Variants in ZFPM2 observed in about 807,000 individuals in gnomAD.
The protein encoded by ZFPM2 is zinc finger protein ZFPM2.
A neutral mutation model predicts 98.6 loss-of-function variants in ZFPM2; 20 were observed. The observed-to-expected ratio is 0.20, with a 90% confidence interval of 0.14 to 0.29. ZFPM2 has a LOEUF of 0.29. Among genes scored for constraint, ZFPM2 ranks in the 10% least tolerant of loss-of-function variants. The pLI, the probability that ZFPM2 is intolerant of heterozygous loss-of-function variation, is 1.00. For synonymous variants in ZFPM2, 518 were observed against 502.7 expected, an observed-to-expected ratio of 1.03 and a Z score of -0.41; for missense variants, 1,310 against 1,388.6, an observed-to-expected ratio of 0.94 and a Z score of 0.90.
At chr8:105,523,894 G>A (rs1814114794) in intron 3 of ZFPM2, among the ~76,000 whole-genome samples, 1 of 152,160 alleles carries the variant, frequency 6.6e-6, no homozygotes, top group South Asian at 2.1e-4. Context: ...GGAGAACATA[G>A]TGGCAGCATC....
At chr8:105,679,062 A>G (rs1427091178) in intron 5 of ZFPM2, 2 of 152,180 alleles carry the variant, frequency 1.3e-5, no homozygotes, top group Non-Finnish European at 2.9e-5. Flanking sequence ...AAAATGGGTT[A>G]TCTTTTCTCA....
chr8:105,384,805 C>A (rs935052613), intron 1 of ZFPM2, among the ~76,000 whole-genome samples: 4 of 152,090 alleles, frequency 2.6e-5, no homozygotes, highest in African/African-American at 9.7e-5. Context: ...TTAGACGAAA[C>A]CCTGAATTGA....
intron 4 of ZFPM2, among the ~76,000 whole-genome samples, chr8:105,609,587 C>T (rs775884193): frequency 6.6e-6 from 1 of 152,074 alleles, no homozygotes; most frequent in African/African-American, 2.4e-5. Context: ...TGGAAATGTG[C>T]GTTCTTATAT....
intron 4 of ZFPM2, among the ~76,000 whole-genome samples, chr8:105,569,953 G>A (rs535807936): frequency 1.3e-5 from 2 of 152,258 alleles, no homozygotes; most frequent in South Asian, 4.1e-4. Flanking sequence ...TGTTCCAAGA[G>A]AAGACAAATG....
intron 5 of ZFPM2, among the ~76,000 whole-genome samples, chr8:105,721,565 A>G (rs764957713): frequency 6.6e-6 from 1 of 152,000 alleles, no homozygotes; most frequent in Non-Finnish European, 1.5e-5. Context: ...AATAGGAAAA[A>G]GTATAAAATA....
intron 1 of ZFPM2, among the ~76,000 whole-genome samples, chr8:105,400,543 A>G (rs772903581): frequency 6.6e-6 from 1 of 152,132 alleles, no homozygotes; most frequent in Non-Finnish European, 1.5e-5. Flanking sequence ...GATTTTTTCT[A>G]ACTTTATTGT....
At chr8:105,553,160 A>G (rs1379663590) in intron 3 of ZFPM2, among the ~76,000 whole-genome samples, 1 of 152,010 alleles carries the variant, frequency 6.6e-6, no homozygotes, top group Non-Finnish European at 1.5e-5. Context: ...CATTACCAAT[A>G]ATATTACTGC....
intron 3 of ZFPM2, among the ~76,000 whole-genome samples, chr8:105,503,070 C>T (rs1813628712): frequency 6.6e-6 from 1 of 152,154 alleles, no homozygotes; most frequent in African/African-American, 2.4e-5. Flanking sequence ...CTTACGGGCA[C>T]ATCTAAAAGG....
chr8:105,356,397 T>G (rs1347034965), intron 1 of ZFPM2, among the ~76,000 whole-genome samples: 1 of 152,206 alleles, frequency 6.6e-6, no homozygotes, highest in Admixed American at 6.5e-5. Context: ...AATAAATGGC[T>G]GACTGGCAAT....
intron 3 of ZFPM2, among the ~76,000 whole-genome samples, chr8:105,468,472 T>C (rs1190678137): frequency 6.6e-6 from 1 of 152,084 alleles, no homozygotes; most frequent in African/African-American, 2.4e-5. Context: ...GTGTGTTACT[T>C]TGCAACCTCA....
intron 5 of ZFPM2, among the ~76,000 whole-genome samples, chr8:105,639,490 T>A (rs1001659837): frequency 1.3e-5 from 2 of 152,042 alleles, no homozygotes; most frequent in African/African-American, 4.8e-5. Flanking sequence ...CTCAACAACA[T>A]AATATTTCTT....
At chr8:105,788,258 G>C (rs1192009380) in intron 5 of ZFPM2, among the ~76,000 whole-genome samples, 2 of 152,094 alleles carry the variant, frequency 1.3e-5, no homozygotes, top group Non-Finnish European at 2.9e-5. Flanking sequence ...TGATAGGATG[G>C]AAGTATTTCA....
chr8:105,349,396 A>G (rs1359886865), intron 1 of ZFPM2, among the ~76,000 whole-genome samples: 1 of 152,194 alleles, frequency 6.6e-6, no homozygotes, highest in Non-Finnish European at 1.5e-5. Context: ...TATAACAAAG[A>G]AAGTGACAAC....
At chr8:105,556,064 G>A (rs934800698) in intron 3 of ZFPM2, among the ~76,000 whole-genome samples, 1 of 152,196 alleles carries the variant, frequency 6.6e-6, no homozygotes, top group African/African-American at 2.4e-5. Flanking sequence ...GAAGTAGCTA[G>A]TGAAGGAACT....
rs558636897 is a variant in ZFPM2 at position 105,737,843 on chromosome 8, C to A, written c.533-50875C>A. 11 of 152,122 alleles carry A rather than the reference C, an allele frequency of 7.2e-5. 1 individual carries two copies. The highest frequency in any genetic ancestry group is 6.2e-4 in the South Asian group (3 of 4,826). The allele number at this position is 152,122 out of a possible 1,614,324, so 9.4% of individuals were successfully genotyped here. A position where few individuals can be genotyped will look rare whatever the true frequency, so the allele number is the denominator to read the frequency against. ...TTGTACCTTGTTATTCTTTGAGTGGCAAGCCCTCCACATAACTTTTCAATG... is the reference window on the plus strand; with the variant it reads ...TTGTACCTTGTTATTCTTTGAGTGGAAAGCCCTCCACATAACTTTTCAATG... On this transcript the variant is annotated intron_variant, in intron 5 of 7. Transcript: ENST00000407775.
chr8:105,483,458 C>T (rs1813164709), intron 3 of ZFPM2, among the ~76,000 whole-genome samples: 1 of 151,364 alleles, frequency 6.6e-6, no homozygotes, highest in Non-Finnish European at 1.5e-5. Context: ...GGTGTGGTGG[C>T]AGGCGCCTGT....
At chr8:105,648,108 T>C (rs570973420) in intron 5 of ZFPM2, among the ~76,000 whole-genome samples, 23 of 152,360 alleles carry the variant, frequency 1.5e-4, no homozygotes, top group African/African-American at 5.5e-4. Flanking sequence ...TGGTTTTGAT[T>C]TGCATTCCTC....
chr8:105,492,035 T>G (rs1374762426), intron 3 of ZFPM2, among the ~76,000 whole-genome samples: 1 of 152,152 alleles, frequency 6.6e-6, no homozygotes, highest in Non-Finnish European at 1.5e-5. Flanking sequence ...CATTCTCAAT[T>G]CTTCTTTATA....
chr8:105,510,353 T>C (rs1403349618), intron 3 of ZFPM2, among the ~76,000 whole-genome samples: 1 of 151,754 alleles, frequency 6.6e-6, no homozygotes, highest in Non-Finnish European at 1.5e-5. Flanking sequence ...CTTGCGACTA[T>C]GTTCGTCGGG....
Sources: allele counts gnomAD v4.1 joint callset (sites outside exome capture counted in the v4.1 genomes callset), GRCh38; gene constraint gnomAD v4.1.1; transcripts MANE v1.5; gene names NCBI Gene and HGNC (gene_info 2026-07-23, HGNC 2026-07-21).